AOAH: variants seen among roughly 807,000 people sequenced by gnomAD.
AOAH encodes the protein acyloxyacyl hydrolase (neutrophil).
In AOAH, 64 loss-of-function variants were observed where a neutral mutation model predicts 92.2. The observed-to-expected ratio is 0.69, with a 90% CI of 0.57 to 0.86. The LOEUF is 0.86. Ranked by LOEUF, AOAH falls within the 40% of genes least tolerant of loss-of-function variation. AOAH has a pLI of 0.00. For missense variants in AOAH, 656 were observed against 694.6 expected, an observed-to-expected ratio of 0.94 and a Z score of 0.62; for synonymous variants, 263 against 254.5, an observed-to-expected ratio of 1.03 and a Z score of -0.32.
chr7:36,671,195 T>C (rs1000777352), intron 3 of AOAH, among the ~76,000 whole-genome samples: 7 of 152,208 alleles, frequency 4.6e-5, no homozygotes, highest in South Asian at 2.1e-4. Flanking sequence ...AGCAATCTAG[T>C]CATGGCTCAT....
At chr7:36,575,098 G>A (rs1788393467) in intron 13 of AOAH, among the ~76,000 whole-genome samples, 1 of 151,906 alleles carries the variant, frequency 6.6e-6, no homozygotes, top group Admixed American at 6.6e-5. Flanking sequence ...TGTCACTAAA[G>A]GAAAAAGAAA....
At chr7:36,593,900 G>A (rs1391884093) in intron 12 of AOAH, among the ~76,000 whole-genome samples, 1 of 152,156 alleles carries the variant, frequency 6.6e-6, no homozygotes, top group Non-Finnish European at 1.5e-5. Flanking sequence ...TAGTGAATTG[G>A]GTTTGTGTGT....
intron 1 of AOAH, 29 bp from the exon 2 acceptor site, chr7:36,686,823 T>C (rs1334269299): frequency 2.8e-6 from 4 of 1,444,336 alleles, no homozygotes; most frequent in Non-Finnish European, 3.7e-6. Flanking sequence ...ACATGTAATC[T>C]GTGTCACACA....
chr7:36,668,105 C>T (rs998979757), intron 3 of AOAH, among the ~76,000 whole-genome samples: 8 of 152,094 alleles, frequency 5.3e-5, no homozygotes, highest in South Asian at 2.1e-4. Context: ...TATTTGTTAC[C>T]GTTGTTCTTT....
intron 6 of AOAH, among the ~76,000 whole-genome samples, chr7:36,625,785 C>A (rs1025849828): frequency 6.6e-6 from 1 of 152,136 alleles, no homozygotes; most frequent in East Asian, 1.9e-4. Flanking sequence ...TGAAGCTTCC[C>A]GAGTGGGCTC....
intron 16 of AOAH, among the ~76,000 whole-genome samples, chr7:36,536,144 C>T (rs907839390): frequency 2.0e-5 from 3 of 152,142 alleles, no homozygotes; most frequent in African/African-American, 7.2e-5. Context: ...TGTCCTGCTG[C>T]GTGGGTGCTG....
At chr7:36,603,361 C>T (rs1790742364) in intron 11 of AOAH, among the ~76,000 whole-genome samples, 1 of 152,290 alleles carries the variant, frequency 6.6e-6, no homozygotes, top group African/African-American at 2.4e-5. Flanking sequence ...CTTCCTCCAG[C>T]TCCACTGTCT....
intron 6 of AOAH, among the ~76,000 whole-genome samples, chr7:36,627,906 C>A (rs532198341): frequency 1.3e-5 from 2 of 152,292 alleles, no homozygotes; most frequent in Non-Finnish European, 2.9e-5. Context: ...AAAATTATTT[C>A]ATGAAACTGG....
chr7:36,664,272 A>C (rs1368787930), intron 3 of AOAH, among the ~76,000 whole-genome samples: 1 of 152,074 alleles, frequency 6.6e-6, no homozygotes, highest in Non-Finnish European at 1.5e-5. Context: ...TCTGTGATCC[A>C]TTTTGAGTTC....
chr7:36,558,493 G>A (rs894657467), intron 13 of AOAH, among the ~76,000 whole-genome samples: 1 of 152,224 alleles, frequency 6.6e-6, no homozygotes, highest in Admixed American at 6.5e-5. Flanking sequence ...GCTGTGTGCT[G>A]GGAGAACCAC....
chr7:36,602,013 C>G lies in AOAH; in HGVS notation c.847-7583G>C, dbSNP rs576703531. 3.9e-5 allele frequency among the ~76,000 whole-genome samples: 6 copies of G among 152,334 alleles called. No homozygotes were observed. In the East Asian group the frequency reaches 1.2e-3, roughly 29 times the overall value. On this transcript the variant is annotated intron_variant, in intron 11 of 20. Transcript: ENST00000617537. ...CAGCAGATCAGTAGCAATAACTACT[C>G]AGCACCTGGTACGATGCTTATTCGA...
intron 19 of AOAH, among the ~76,000 whole-genome samples, chr7:36,529,258 T>TA (rs35666438): frequency 0.017 from 2,558 of 152,288 alleles, 33 homozygotes; most frequent in Non-Finnish European, 0.025. Flanking sequence ...ATGTGAGTGT[T>TA]AGACATTATT....
intron 6 of AOAH, among the ~76,000 whole-genome samples, chr7:36,623,737 G>A (rs75038817): frequency 0.018 from 2,746 of 152,258 alleles, 85 homozygotes; most frequent in East Asian, 0.1. Flanking sequence ...AGTCTTGGAA[G>A]CCAAGGACCC....
Position 36,656,524 on chromosome 7 carries a change from C to T in AOAH, c.390+2642G>A, listed in dbSNP as rs185760962. Among the ~76,000 whole-genome samples the T allele has an allele frequency of 1.7e-3, 259 of 151,964 alleles. 1 individual carries two copies. The highest frequency in any genetic ancestry group is 6.1e-3 in the African/African-American group (252 of 41,436). ...GAGAGAGACCCAAGTTTAGGCAAGCCTTTATTTAACTTGCCGGCTGCTCTA... is the reference window on the plus strand; with the variant it reads ...GAGAGAGACCCAAGTTTAGGCAAGCTTTTATTTAACTTGCCGGCTGCTCTA... On this transcript the variant is annotated intron_variant, in intron 4 of 20. Coordinates refer to ENST00000617537, the MANE Select transcript of AOAH (RefSeq NM_001637.4).
intron 1 of AOAH, among the ~76,000 whole-genome samples, chr7:36,709,215 C>A (rs116413324): frequency 6.6e-6 from 1 of 152,112 alleles, no homozygotes; most frequent in Non-Finnish European, 1.5e-5. Context: ...TAATTCCCAA[C>A]GGCCTCCATC....
chr7:36,609,933 T>C (rs1031423463), intron 11 of AOAH, among the ~76,000 whole-genome samples: 12 of 151,924 alleles, frequency 7.9e-5, no homozygotes, highest in African/African-American at 1.9e-4. Context: ...AAGTTAGAAC[T>C]GACATTTTGT....
At chr7:36,688,907 GTA>G (rs1483331078) in intron 1 of AOAH, among the ~76,000 whole-genome samples, 3 of 151,924 alleles carry the variant, frequency 2.0e-5, no homozygotes, top group Non-Finnish European at 4.4e-5. Context: ...ATATACACAT[GTA>G]TATGTGTATG....
At chr7:36,668,714 T>C (rs1298436984) in intron 3 of AOAH, among the ~76,000 whole-genome samples, 3 of 152,250 alleles carry the variant, frequency 2.0e-5, no homozygotes, top group Non-Finnish European at 4.4e-5. Context: ...CTTAAACTCC[T>C]GGACTCAAGT....
intron 18 of AOAH, 54 bp from the exon 19 acceptor site, chr7:36,530,568 T>A: frequency 8.2e-7 from 1 of 1,213,138 alleles, no homozygotes; most frequent in Non-Finnish European, 1.2e-6. Context: ...TTGGCTTTAG[T>A]GAGACAATTC....
Sources: gnomAD v4.1 joint callset for allele counts (sites outside exome capture counted in the v4.1 genomes callset) on GRCh38, gnomAD v4.1.1 for gene constraint, MANE v1.5 for transcripts, NCBI Gene and HGNC (gene_info 2026-07-23, HGNC 2026-07-21) for gene names.